The following RELN variants were observed in gnomAD, a reference collection of about 807,000 sequenced individuals.
RELN encodes reelin.
In RELN, 108 loss-of-function variants were observed where a neutral mutation model predicts 427.6. The ratio of observed to expected loss-of-function variants is 0.25; its 90% CI spans 0.22 to 0.30. The LOEUF (loss-of-function observed/expected upper bound fraction) is 0.30. Ranked by LOEUF, RELN falls within the 10% of genes least tolerant of loss-of-function variation. RELN has a pLI of 1.00. For missense variants in RELN, 3,715 were observed against 4,302.8 expected (o/e 0.86, Z 3.82); for synonymous variants, 1,524 against 1,513.4 (o/e 1.01, Z -0.16).
rs143554735 is a variant in RELN at position 103,562,204 on chromosome 7, C to T, written c.5211-251G>A. ...TTTTTTTCATGTAAGATTCTACAAACACATGTGTGAAATGGAAAAGTTATT... is the reference window on the plus strand; with the variant it reads ...TTTTTTTCATGTAAGATTCTACAAATACATGTGTGAAATGGAAAAGTTATT... On this transcript the variant is annotated intron_variant, in intron 34 of 64. Transcript: ENST00000428762. 3.1e-3 allele frequency among the ~76,000 whole-genome samples: 472 copies of T among 152,206 alleles called. 14 individuals carry two copies. Among genetic ancestry groups the T allele is most frequent in the Admixed American group, 0.029 (447 of 15,288 alleles).
intron 11 of RELN, among the ~76,000 whole-genome samples, chr7:103,662,957 C>T (rs991520674): frequency 4.6e-5 from 7 of 152,164 alleles, no homozygotes; most frequent in African/African-American, 1.7e-4. Flanking sequence ...CACAATCTCT[C>T]GCCTTGTACC....
chr7:103,818,318 G>A (rs1170435350), intron 3 of RELN, among the ~76,000 whole-genome samples: 1 of 152,126 alleles, frequency 6.6e-6, no homozygotes, highest in African/African-American at 2.4e-5. Flanking sequence ...GGCATTTATT[G>A]AAATCCAACA....
At chr7:103,586,258 G>C (rs1166031424) in intron 28 of RELN, among the ~76,000 whole-genome samples, 1 of 152,130 alleles carries the variant, frequency 6.6e-6, no homozygotes. Context: ...AGCTACCCAG[G>C]AGGCTGAGGC....
In RELN at chr7:103,571,987, T is replaced by C. The variant is rs1460894343; in HGVS notation, c.4588+197A>G. Among the ~76,000 whole-genome samples the C allele has an allele frequency of 3.3e-5, 5 of 152,214 alleles. No homozygotes were observed. The South Asian group carries it at 1.0e-3, about 32-fold the overall frequency. On this transcript the variant is annotated intron_variant, in intron 31 of 64. Transcript: ENST00000428762. ...CTACACCCAGAGCAGACATGATATA[T>C]TTCAGGCCTAAGGATCTGTACAAGA... is the stretch of plus-strand genomic sequence containing the variant.
chr7:103,810,996 G>A (rs538046219), intron 3 of RELN, among the ~76,000 whole-genome samples: 1 of 152,210 alleles, frequency 6.6e-6, no homozygotes, highest in Admixed American at 6.5e-5. Context: ...CACTTTGAAA[G>A]TTACTAATGA....
intron 3 of RELN, among the ~76,000 whole-genome samples, chr7:103,809,505 T>C (rs998752306): frequency 1.3e-5 from 2 of 152,062 alleles, no homozygotes; most frequent in South Asian, 4.2e-4. Context: ...ATGGAAACTG[T>C]AGTGGGTTTG....
chr7:103,486,716 A>T (rs1369744490), intron 60 of RELN, among the ~76,000 whole-genome samples: 1 of 152,238 alleles, frequency 6.6e-6, no homozygotes, highest in Non-Finnish European at 1.5e-5. Flanking sequence ...ATACCATCTC[A>T]TGTCAGTTAG....
chr7:103,478,998 A>G (rs114753256), intron 63 of RELN, among the ~76,000 whole-genome samples: 1,564 of 152,304 alleles, frequency 0.01, 34 homozygotes, highest in African/African-American at 0.035. Flanking sequence ...AGTTAGCAAC[A>G]TAAGGTTTGC....
chr7:103,897,290 T>G (rs1265871230), intron 2 of RELN, among the ~76,000 whole-genome samples: 1 of 152,088 alleles, frequency 6.6e-6, no homozygotes, highest in Non-Finnish European at 1.5e-5. Flanking sequence ...CAAATATAAC[T>G]GTTGAAACAG....
intron 22 of RELN, among the ~76,000 whole-genome samples, chr7:103,606,382 T>C (rs1020538659): frequency 6.6e-6 from 1 of 152,182 alleles, no homozygotes; most frequent in African/African-American, 2.4e-5. Flanking sequence ...AATGTACTAG[T>C]AGTTGGGGGA....
intron 49 of RELN, among the ~76,000 whole-genome samples, chr7:103,517,078 G>C (rs1380993921): frequency 2.0e-5 from 3 of 152,028 alleles, no homozygotes; most frequent in Non-Finnish European, 4.4e-5. Flanking sequence ...ACCTGTGCGG[G>C]TACTGGCAGC....
At chr7:103,909,449 A>C (rs763580183) in intron 2 of RELN, among the ~76,000 whole-genome samples, 2 of 150,688 alleles carry the variant, frequency 1.3e-5, no homozygotes, top group Non-Finnish European at 2.9e-5. Flanking sequence ...TGACCAATAT[A>C]AGATTTACTA....
intron 28 of RELN, among the ~76,000 whole-genome samples, chr7:103,585,048 G>C (rs1831238302): frequency 6.6e-6 from 1 of 151,946 alleles, no homozygotes; most frequent in African/African-American, 2.4e-5. Flanking sequence ...CAAAACCTCT[G>C]AGATACAGCA....
At chr7:103,565,200 C>G in intron 34 of RELN, 78 bp downstream of exon 34, 2 of 1,511,414 alleles carry the variant, frequency 1.3e-6, no homozygotes, top group South Asian at 2.3e-5. Context: ...ATAGAATCCC[C>G]AGGCCGAATC....
chr7:103,695,805 C>T (rs1473355870), intron 10 of RELN, among the ~76,000 whole-genome samples: 1 of 152,096 alleles, frequency 6.6e-6, no homozygotes, highest in Non-Finnish European at 1.5e-5. Flanking sequence ...TGGGATATGA[C>T]ATACGCTATT....
intron 6 of RELN, among the ~76,000 whole-genome samples, chr7:103,741,222 T>C (rs1262102701): frequency 6.6e-6 from 1 of 152,180 alleles, no homozygotes; most frequent in Non-Finnish European, 1.5e-5. Context: ...TTGGAAATAT[T>C]TCATGGGGAT....
chr7:103,597,271 A>C (rs534893258), intron 24 of RELN, among the ~76,000 whole-genome samples: 2 of 152,290 alleles, frequency 1.3e-5, no homozygotes, highest in South Asian at 4.1e-4. Flanking sequence ...TGGGCATTAA[A>C]GTAGACCAGG....
chr7:103,558,858 C>A (rs112998682), intron 36 of RELN, among the ~76,000 whole-genome samples: 11 of 152,274 alleles, frequency 7.2e-5, no homozygotes, highest in African/African-American at 2.6e-4. Context: ...GGATGCACGG[C>A]TGTGTGATAA....
At chr7:103,590,581 T>A (rs1384663310) in intron 27 of RELN, among the ~76,000 whole-genome samples, 3 of 149,942 alleles carry the variant, frequency 2.0e-5, no homozygotes, top group African/African-American at 7.4e-5. Context: ...AATAAATAAA[T>A]AAATAAATAA....
Sources: gnomAD v4.1 joint callset for allele counts (sites outside exome capture counted in the v4.1 genomes callset) on GRCh38, gnomAD v4.1.1 for gene constraint, MANE v1.5 for transcripts, NCBI Gene and HGNC (gene_info 2026-07-23, HGNC 2026-07-21) for gene names.